The following HSPA12A variants were observed in gnomAD, a reference collection of about 807,000 sequenced individuals.
The protein encoded by HSPA12A is heat shock protein family A (Hsp70) member 12A.
In HSPA12A, 28 loss-of-function variants were observed where a neutral mutation model predicts 69.2. The observed-to-expected ratio is 0.40, with a 90% confidence interval of 0.30 to 0.55. The LOEUF is 0.55. Ranked by LOEUF, HSPA12A falls within the 20% of genes least tolerant of loss-of-function variation. The pLI is 0.38. For synonymous variants in HSPA12A, 345 were observed against 370.5 expected (o/e 0.93, Z 0.79); for missense variants, 686 against 900.7 (o/e 0.76, Z 3.05).
intron 2 of HSPA12A, among the ~76,000 whole-genome samples, chr10:116,804,424 T>C (rs1845025716): frequency 6.6e-6 from 1 of 152,066 alleles, no homozygotes; most frequent in Non-Finnish European, 1.5e-5. Flanking sequence ...GGGGCTCACA[T>C]TTCCAGAAGG....
At chr10:116,706,887 C>G (rs530452183) in intron 2 of HSPA12A, among the ~76,000 whole-genome samples, 3 of 152,298 alleles carry the variant, frequency 2.0e-5, no homozygotes, top group South Asian at 2.1e-4. Context: ...CAGGCTCTGA[C>G]CCTGAATCTT....
chr10:116,721,681 G>C (rs1850782150), intron 1 of HSPA12A, among the ~76,000 whole-genome samples: 2 of 152,104 alleles, frequency 1.3e-5, no homozygotes, highest in African/African-American at 4.8e-5. Context: ...CCCCGGCACT[G>C]AAATGCAAAT....
intron 2 of HSPA12A, among the ~76,000 whole-genome samples, chr10:116,789,369 G>A (rs1345471860): frequency 2.0e-5 from 3 of 152,012 alleles, no homozygotes; most frequent in Admixed American, 2.0e-4. Context: ...TGTCTGAGAA[G>A]AAAATGTTTC....
At position 116,674,763 on chromosome 10, in the gene HSPA12A, G is replaced by A. The variant is rs1406594171; in HGVS notation, c.*18C>T. On this transcript the variant is annotated 3_prime_UTR_variant, in exon 12 of 12. Transcript: ENST00000369209. The stretch of plus-strand genomic sequence containing the variant: ...CAGATAAGTTGAGTCCAAGGGGACA[G>A]GCAGCGGGGCGGGAGGGTTAGTAAT... 6.3e-7 allele frequency: 1 copy of A among 1,591,256 alleles called. No homozygotes were observed. The highest frequency in any genetic ancestry group is 1.3e-5 in the African/African-American group (1 of 74,824).
chr10:116,739,410 T>C (rs1280653802), intron 1 of HSPA12A, among the ~76,000 whole-genome samples: 3 of 152,230 alleles, frequency 2.0e-5, no homozygotes, highest in Non-Finnish European at 4.4e-5. Flanking sequence ...TTTATTAAGA[T>C]GAACCTCCAG....
In HSPA12A at chr10:116,674,688, G is replaced by T; in HGVS notation, c.*93C>A. On this transcript the variant is annotated 3_prime_UTR_variant, in exon 12 of 12. Transcript: ENST00000369209. ...CCTGCTGAAATTCACATGGGCAATG[G>T]TGAGGGTCAAGGTTAGGGAAAGAAC... is the stretch of plus-strand genomic sequence containing the variant. The T allele has an allele frequency of 1.6e-6, 2 of 1,288,736 alleles. No individual in the cohort carries two copies. 79.8% of individuals were successfully genotyped at this position (1,288,736 alleles called of 1,614,324 possible).
chr10:116,675,520 G>A lies in HSPA12A; in HGVS notation c.1391-102C>T. On this transcript the variant is annotated intron_variant, in intron 11 of 11. Transcript: ENST00000369209. The surrounding 1 kb of genome is among the most constrained non-coding windows in gnomAD (Gnocchi z 5.2). ...GTGGGGAACGGATAAAGCCACTTGG[G>A]CCACTGGGAGGGCAGGCTTACTCTG... The A allele has an allele frequency of 8.1e-7, 1 of 1,236,480 alleles. No homozygotes were observed. The highest frequency in any genetic ancestry group is 1.6e-5 in the South Asian group (1 of 63,194). The allele number at this position is 1,236,480 out of a possible 1,614,324, so 76.6% of individuals were successfully genotyped here. A position where few individuals can be genotyped will look rare whatever the true frequency, so the allele number is the denominator to read the frequency against.
intron 1 of HSPA12A, among the ~76,000 whole-genome samples, chr10:116,720,427 A>G (rs1224681553): frequency 2.0e-5 from 3 of 152,242 alleles, no homozygotes; most frequent in African/African-American, 7.2e-5. Context: ...CAACGTAAGA[A>G]TGCAGGCACA....
At chr10:116,839,546 C>T (rs1419723851) in intron 1 of HSPA12A, among the ~76,000 whole-genome samples, 2 of 141,584 alleles carry the variant, frequency 1.4e-5, no homozygotes, top group African/African-American at 2.7e-5. Context: ...GAAAGAGATG[C>T]ACTTTAGTAA....
At chr10:116,684,099 C>G (rs1202211462) in intron 6 of HSPA12A, 137 bp from the exon 7 acceptor site, 1 of 667,426 alleles carries the variant, frequency 1.5e-6, no homozygotes, top group Non-Finnish European at 2.3e-6. Flanking sequence ...ACACAGTCCT[C>G]TGCAGAGCAT....
At chr10:116,814,085 G>T (rs1845251284) in intron 2 of HSPA12A, among the ~76,000 whole-genome samples, 1 of 152,098 alleles carries the variant, frequency 6.6e-6, no homozygotes, top group Non-Finnish European at 1.5e-5. Context: ...GATGGAGGAA[G>T]TATTAAAAGA....
chr10:116,698,711 GC>G lies in HSPA12A; in HGVS notation c.469del (p.Ala157GlnfsTer25). 1 of 1,614,132 alleles carries G rather than the reference GC, an allele frequency of 6.2e-7. No individual in the cohort carries two copies. Among genetic ancestry groups the G allele is most frequent in the Non-Finnish European group, 8.5e-7 (1 of 1,179,938 alleles). Reference protein sequence around the residue: ...GDLTMDTDLTAANGKKVKALE... With the variant: ...GDLTMDTDLTXANGKKVKALE... Reference sequence around the variant, plus strand: ...GGCTTTGACTTTCTTGCCATTTGCTGCCGTCAGGTCTGTATCCATGGTGAGG... The same window carrying G: ...GGCTTTGACTTTCTTGCCATTTGCTGCGTCAGGTCTGTATCCATGGTGAGG... On this transcript the variant is annotated frameshift_variant, in exon 5 of 12. Transcript: ENST00000369209. LOFTEE classifies it high-confidence loss of function.
intron 5 of HSPA12A, among the ~76,000 whole-genome samples, chr10:116,696,652 T>G (rs1029979532): frequency 6.6e-5 from 10 of 152,108 alleles, no homozygotes; most frequent in African/African-American, 2.4e-4. Flanking sequence ...GCCACGTCAC[T>G]CATTCCCCCA....
intron 2 of HSPA12A, among the ~76,000 whole-genome samples, chr10:116,815,326 G>C (rs951656823): frequency 6.6e-6 from 1 of 151,262 alleles, no homozygotes; most frequent in African/African-American, 2.4e-5. Flanking sequence ...CACACTTTGG[G>C]AGGCCAAGAC....
intron 2 of HSPA12A, chr10:116,750,378 T>TG (rs1564807784): frequency 1.4e-6 from 1 of 720,078 alleles, no homozygotes; most frequent in Non-Finnish European, 2.6e-6. Context: ...AATAAAGTCT[T>TG]GGGGGGCCTT....
rs1554881546 is a variant in HSPA12A at position 116,700,952 on chromosome 10, G to A, written c.432C>T (p.His144=). 2.5e-6 allele frequency: 4 copies of A among 1,613,548 alleles called. No individual in the cohort carries two copies. The Admixed American group carries it at 5.0e-5, about 20-fold the overall frequency. The change falls in exon 4 of 12, where the codon CAC becomes CAT. Residue 144 remains histidine (H), a synonymous_variant. Coordinates refer to ENST00000369209, the MANE Select transcript of HSPA12A (RefSeq NM_025015.3). Reference sequence around the variant, plus strand: ...GGAGAGGCTTGCTCACCCCAGTGGTGTGCAGCTTCATCTTGAACTTCTCCA... The same window carrying A: ...GGAGAGGCTTGCTCACCCCAGTGGTATGCAGCTTCATCTTGAACTTCTCCA... ...LYLEKFKMKL[H]TTGDLTMDTD... is the part of the protein sequence containing the mutation.
At chr10:116,803,208 G>T (rs1394049312) in intron 2 of HSPA12A, among the ~76,000 whole-genome samples, 1 of 152,380 alleles carries the variant, frequency 6.6e-6, no homozygotes, top group East Asian at 1.9e-4. Context: ...AGGTACACTC[G>T]AGGCAGGGGA....
chr10:116,834,915 C>T (rs1845682281), intron 2 of HSPA12A: 11 of 1,208,882 alleles, frequency 9.1e-6, no homozygotes, highest in Non-Finnish European at 1.0e-5. Flanking sequence ...GATACTTACA[C>T]ACATTAGTTA....
rs200390621 is a variant in HSPA12A, at chr10:116,833,899, G to GA, written c.91+1035dup. ...TTTCCTACTCTCTGCTTTTTACGGA[G>GA]AAAAAAATCTAGCATCTGGGGTCTG... On this transcript the variant is annotated intron_variant, in intron 2 of 12. Transcript: ENST00000635765. Among the ~76,000 whole-genome samples the GA allele has an allele frequency of 2.2e-3, 331 of 152,082 alleles. 2 individuals carry two copies. The highest frequency in any genetic ancestry group is 7.6e-3 in the African/African-American group (314 of 41,462).
Sources: gnomAD v4.1 joint callset for allele counts (sites outside exome capture counted in the v4.1 genomes callset) on GRCh38, gnomAD v4.1.1 for gene constraint, Gnocchi (gnomAD v3.1) non-coding constraint, MANE v1.5 for transcripts, NCBI Gene and HGNC (gene_info 2026-07-23, HGNC 2026-07-21) for gene names.